The following MACROD2 variants were observed in gnomAD, a reference collection of about 807,000 sequenced individuals.
MACROD2 encodes the protein mono-ADP ribosylhydrolase 2, also known as ADP-ribose glycohydrolase MACROD2.
A neutral mutation model predicts 70.4 loss-of-function variants in MACROD2; 36 were observed. The ratio of observed to expected loss-of-function variants is 0.51; its 90% CI spans 0.39 to 0.68. The LOEUF (loss-of-function observed/expected upper bound fraction) is 0.68, where lower values mean the gene tolerates loss of function less well. Ranked by LOEUF, MACROD2 falls within the 30% of genes least tolerant of loss-of-function variation. MACROD2 has a pLI of 0.00. For synonymous variants in MACROD2, 172 were observed against 178.8 expected, an observed-to-expected ratio of 0.96 and a Z score of 0.30; for missense variants, 496 against 538.4, an observed-to-expected ratio of 0.92 and a Z score of 0.78.
chr20:14,195,153 T>C (rs2081419498), intron 3 of MACROD2, among the ~76,000 whole-genome samples: 1 of 152,160 alleles, frequency 6.6e-6, no homozygotes, highest in Non-Finnish European at 1.5e-5. Flanking sequence ...ATTATTAAAA[T>C]GAGTTTTATT....
chr20:14,564,876 C>T (rs1979673572), intron 4 of MACROD2, among the ~76,000 whole-genome samples: 1 of 151,742 alleles, frequency 6.6e-6, no homozygotes. Flanking sequence ...TCAAAAAGAC[C>T]CCTGTGTTCA....
rs552879023 is a variant in MACROD2 at position 15,597,376 on chromosome 20, T to C, written c.645+97529T>C. 5.9e-5 allele frequency among the ~76,000 whole-genome samples: 9 copies of C among 152,276 alleles called. 1 individual carries two copies. The South Asian group carries it at 1.7e-3, about 28-fold the overall frequency. The stretch of plus-strand genomic sequence containing the variant: ...AGGGTAGGTCATTGCTCTGTTAGGA[T>C]TGGATTTATTGGGGCAAAGGATACA... On this transcript the variant is annotated intron_variant, in intron 8 of 17. Coordinates refer to ENST00000684519, the MANE Select transcript of MACROD2 (RefSeq NM_001351661.2).
chr20:14,475,198 G>A (rs1013731282), intron 3 of MACROD2, among the ~76,000 whole-genome samples: 2 of 151,880 alleles, frequency 1.3e-5, no homozygotes, highest in South Asian at 2.1e-4. Context: ...ATTTTAAACT[G>A]ATAACAACTT....
chr20:14,416,465 C>T lies in MACROD2; in HGVS notation c.272-77014C>T, dbSNP rs189747328. On this transcript the variant is annotated intron_variant, in intron 3 of 17. Transcript: ENST00000684519. ...TCATGAATACACAGTGTCTTATATA[C>T]ACTTATTATCATGTATGCGATATAT... is the stretch of plus-strand genomic sequence containing the variant. Among the ~76,000 whole-genome samples the T allele has an allele frequency of 2.0e-3, 301 of 152,220 alleles. 1 individual carries two copies. Among genetic ancestry groups the T allele is most frequent in the South Asian group, 0.012 (60 of 4,820 alleles).
rs893148858 is a variant in MACROD2 at position 15,962,074 on chromosome 20, G to A, written c.908-5479G>A. Among the ~76,000 whole-genome samples, 8 of 152,254 alleles carry A rather than the reference G, an allele frequency of 5.3e-5. No homozygotes were observed. The South Asian group carries it at 8.3e-4, about 16-fold the overall frequency. ...ACCAGCTTCATATTCCAGCTGTTCC[G>A]TTTTACATTATGATGATTCTTTGTT... is the stretch of plus-strand genomic sequence containing the variant. On this transcript the variant is annotated intron_variant, in intron 12 of 17. Transcript: ENST00000684519.
At chr20:14,713,652 G>A (rs1600575429) in intron 5 of MACROD2, among the ~76,000 whole-genome samples, 1 of 152,186 alleles carries the variant, frequency 6.6e-6, no homozygotes. Context: ...TATATATGAA[G>A]CATTGTGTAG....
At chr20:15,363,433 G>A (rs567236892) in intron 6 of MACROD2, among the ~76,000 whole-genome samples, 77 of 152,294 alleles carry the variant, frequency 5.1e-4, no homozygotes, top group African/African-American at 1.8e-3. Context: ...AGTTTCGAAA[G>A]GCACCATGGC....
chr20:15,220,717 G>T (rs1204786889), intron 5 of MACROD2, among the ~76,000 whole-genome samples: 1 of 152,200 alleles, frequency 6.6e-6, no homozygotes, highest in South Asian at 2.1e-4. Context: ...ATTCTTCACA[G>T]TGTAGGAATC....
chr20:15,828,919 G>A (rs1014851799), intron 8 of MACROD2, among the ~76,000 whole-genome samples: 1 of 152,146 alleles, frequency 6.6e-6, no homozygotes, highest in Non-Finnish European at 1.5e-5. Context: ...AGCTGTGATT[G>A]TTCAATGGTT....
At chr20:14,362,343 G>A (rs1601528597) in intron 3 of MACROD2, among the ~76,000 whole-genome samples, 1 of 152,180 alleles carries the variant, frequency 6.6e-6, no homozygotes, top group East Asian at 1.9e-4. Flanking sequence ...CCTAGTGATT[G>A]CTGGAGTCAG....
intron 3 of MACROD2, among the ~76,000 whole-genome samples, chr20:14,307,055 G>T (rs1053741026): frequency 1.3e-5 from 2 of 150,142 alleles, no homozygotes; most frequent in African/African-American, 4.9e-5. Flanking sequence ...ACAATTGACT[G>T]TTGAGAAGAA....
chr20:15,302,872 G>A (rs572733806), intron 6 of MACROD2, among the ~76,000 whole-genome samples: 18 of 152,166 alleles, frequency 1.2e-4, no homozygotes, highest in African/African-American at 4.3e-4. Flanking sequence ...CTTTACAAAC[G>A]TTTATTAGCC....
At chr20:14,793,635 AGGAT>A (rs2072476477) in intron 5 of MACROD2, among the ~76,000 whole-genome samples, 1 of 152,060 alleles carries the variant, frequency 6.6e-6, no homozygotes, top group African/African-American at 2.4e-5. Flanking sequence ...AGCAATCCTA[AGGAT>A]GGGGGAACAA....
chr20:15,814,530 T>C (rs6135551), intron 8 of MACROD2, among the ~76,000 whole-genome samples: 72,482 of 151,980 alleles, frequency 0.48, 18,118 homozygotes, highest in African/African-American at 0.63. Flanking sequence ...CTCTCTGTGT[T>C]ACTTCACCAC....
rs148527341 is a variant in MACROD2 at position 15,413,183 on chromosome 20, G to A, written c.541-18222G>A. Among the ~76,000 whole-genome samples, 246 of 152,222 alleles carry A rather than the reference G, an allele frequency of 1.6e-3. 1 individual carries two copies. Among genetic ancestry groups the A allele is most frequent in the African/African-American group, 5.6e-3 (234 of 41,548 alleles). ...CAAGCTTGTGCATTCACTGCAGAAG[G>A]CAAAATGTCATGGCATTTCTTTATG... On this transcript the variant is annotated intron_variant, in intron 6 of 17. Transcript: ENST00000684519.
At chr20:14,249,705 G>T (rs139308838) in intron 3 of MACROD2, among the ~76,000 whole-genome samples, 2 of 151,950 alleles carry the variant, frequency 1.3e-5, no homozygotes, top group Non-Finnish European at 2.9e-5. Flanking sequence ...AAGTTCTATC[G>T]TACCTTGTAA....
intron 3 of MACROD2, among the ~76,000 whole-genome samples, chr20:14,098,549 T>G (rs1324550569): frequency 6.6e-6 from 1 of 152,158 alleles, no homozygotes; most frequent in African/African-American, 2.4e-5. Flanking sequence ...ATATATGAAT[T>G]TTTATATAGG....
At chr20:15,987,704 C>T (rs1016788277) in intron 15 of MACROD2, among the ~76,000 whole-genome samples, 1 of 151,972 alleles carries the variant, frequency 6.6e-6, no homozygotes, top group South Asian at 2.1e-4. Context: ...GAGGAATGAA[C>T]ACTCCTTAAA....
intron 5 of MACROD2, among the ~76,000 whole-genome samples, chr20:14,875,063 T>C (rs151211385): frequency 6.6e-6 from 1 of 152,000 alleles, no homozygotes; most frequent in African/African-American, 2.4e-5. Flanking sequence ...TATATTGACT[T>C]TGTGTGTTGA....
Sources: gnomAD v4.1 joint callset for allele counts (sites outside exome capture counted in the v4.1 genomes callset) on GRCh38, gnomAD v4.1.1 for gene constraint, MANE v1.5 for transcripts, NCBI Gene and HGNC (gene_info 2026-07-23, HGNC 2026-07-21) for gene names.